NAV2: variants seen among roughly 807,000 people sequenced by gnomAD.
The protein encoded by NAV2 is helicase, APC down-regulated 1.
Under a neutral mutation model 223.2 loss-of-function variants are expected in NAV2, and 54 were observed. The ratio of observed to expected loss-of-function variants is 0.24; its 90% CI spans 0.19 to 0.30. NAV2 has a LOEUF of 0.30. Among genes scored for constraint, NAV2 ranks in the 10% least tolerant of loss-of-function variants. NAV2 has a pLI of 1.00. For synonymous variants in NAV2, 1,279 were observed against 1,239.3 expected (o/e 1.03, Z -0.67); for missense variants, 2,806 against 3,147.5 (o/e 0.89, Z 2.60).
chr11:19,466,984 T>TCTCTAC (rs200910419), intron 1 of NAV2, among the ~76,000 whole-genome samples: 7 of 125,142 alleles, frequency 5.6e-5, no homozygotes, highest in African/African-American at 2.1e-4. Context: ...TCTCTCTCTC[T>TCTCTAC]ACACACACAC....
At chr11:19,797,357 G>A (rs1438324528) in intron 1 of NAV2, among the ~76,000 whole-genome samples, 1 of 152,142 alleles carries the variant, frequency 6.6e-6, no homozygotes, top group African/African-American at 2.4e-5. Flanking sequence ...ATCCATTTCA[G>A]CTGCAGTTAT....
chr11:19,976,384 C>G (rs1456283501), intron 10 of NAV2, among the ~76,000 whole-genome samples: 1 of 152,194 alleles, frequency 6.6e-6, no homozygotes, highest in Non-Finnish European at 1.5e-5. Flanking sequence ...CTGTCTCTCT[C>G]TCTTTCAAGC....
chr11:19,647,606 G>A (rs1199395293), intron 1 of NAV2, among the ~76,000 whole-genome samples: 2 of 152,130 alleles, frequency 1.3e-5, no homozygotes, highest in Non-Finnish European at 2.9e-5. Context: ...AGCAGCACTT[G>A]CATCTGGATC....
At chr11:19,690,831 G>A (rs940393078) in intron 1 of NAV2, among the ~76,000 whole-genome samples, 2 of 152,202 alleles carry the variant, frequency 1.3e-5, no homozygotes, top group Admixed American at 6.5e-5. Context: ...GCCCCAGAGA[G>A]GGGCCAGTGG....
At chr11:19,603,961 AAG>A (rs2046415035) in intron 1 of NAV2, among the ~76,000 whole-genome samples, 1 of 152,276 alleles carries the variant, frequency 6.6e-6, no homozygotes, top group South Asian at 2.1e-4. Flanking sequence ...GGCATGTGCA[AAG>A]GCCCTGAGGC....
intron 12 of NAV2, among the ~76,000 whole-genome samples, chr11:20,040,467 A>G (rs2056808215): frequency 6.6e-6 from 1 of 152,168 alleles, no homozygotes; most frequent in African/African-American, 2.4e-5. Flanking sequence ...ATAAGTTCAG[A>G]TAAGTAGGGC....
chr11:19,949,868 G>A (rs377449183), intron 10 of NAV2, among the ~76,000 whole-genome samples: 2 of 152,186 alleles, frequency 1.3e-5, no homozygotes, highest in African/African-American at 2.4e-5. Flanking sequence ...CAATGAACAC[G>A]TGAATCAGTG....
intron 1 of NAV2, among the ~76,000 whole-genome samples, chr11:19,538,214 G>A (rs1326730345): frequency 6.6e-6 from 1 of 152,218 alleles, no homozygotes; most frequent in Non-Finnish European, 1.5e-5. Context: ...CAGCCAAGCT[G>A]TGACACATCT....
intron 11 of NAV2, among the ~76,000 whole-genome samples, chr11:19,997,664 CAG>C (rs1213103540): frequency 6.6e-6 from 1 of 152,126 alleles, no homozygotes. Context: ...GTTACATAGG[CAG>C]AGAGTGGCAG....
exon 1 of NAV2, chr11:19,350,725 C>A (rs557754307): frequency 1.4e-4 from 76 of 556,640 alleles, no homozygotes; most frequent in Non-Finnish European, 2.2e-4. Context: ...AGACTTAGCT[C>A]TCATGATGCC....
At chr11:19,555,022 A>AC (rs1468523096) in intron 1 of NAV2, among the ~76,000 whole-genome samples, 1 of 152,028 alleles carries the variant, frequency 6.6e-6, no homozygotes, top group East Asian at 1.9e-4. Context: ...CAAAAAAAAA[A>AC]AAAAAATCTT....
intron 6 of NAV2, among the ~76,000 whole-genome samples, chr11:19,902,359 T>C (rs1301395098): frequency 6.6e-6 from 1 of 152,182 alleles, no homozygotes; most frequent in Non-Finnish European, 1.5e-5. Flanking sequence ...GCCATCCTTT[T>C]TTCACAGAGA....
intron 1 of NAV2, among the ~76,000 whole-genome samples, chr11:19,442,602 G>A (rs1230289864): frequency 6.6e-6 from 1 of 152,192 alleles, no homozygotes; most frequent in African/African-American, 2.4e-5. Flanking sequence ...GAGCTGGCCA[G>A]GATCAGAGGG....
intron 1 of NAV2, among the ~76,000 whole-genome samples, chr11:19,428,988 T>C (rs955854385): frequency 5.9e-5 from 9 of 152,224 alleles, no homozygotes; most frequent in Admixed American, 3.9e-4. Flanking sequence ...AATTCAAAAC[T>C]GGGTACCTCT....
intron 5 of NAV2, among the ~76,000 whole-genome samples, chr11:19,891,105 C>A (rs1234826688): frequency 6.6e-6 from 1 of 152,148 alleles, no homozygotes; most frequent in Non-Finnish European, 1.5e-5. Flanking sequence ...TCTTGCCCAG[C>A]CAACAAGAAA....
At chr11:20,056,759 C>T in intron 19 of NAV2, 2 of 658,432 alleles carry the variant, frequency 3.0e-6, no homozygotes, top group East Asian at 5.5e-5. Context: ...GTTTAAATTC[C>T]AGCTCCACTG....
At chr11:19,583,032 G>T (rs1052393247) in intron 1 of NAV2, among the ~76,000 whole-genome samples, 29 of 152,208 alleles carry the variant, frequency 1.9e-4, no homozygotes, top group African/African-American at 5.5e-4. Context: ...TTCCATTTGT[G>T]TGTATCCTCT....
rs56895607 is a variant in NAV2, at chr11:20,074,760, C to CCTTTTTTTTTTTTTTTTTTT, written c.4984-2792_4984-2791insCTTTTTTTTTTTTTTTTTTT. On this transcript the variant is annotated intron_variant, in intron 22 of 37. Coordinates refer to ENST00000349880, the MANE Select transcript of NAV2 (RefSeq NM_145117.5). ...ATTGGAGACTAGGATTGCAACTCTG[C>CCTTTTTTTTTTTTTTTTTTT]TTTTTTTTTTTTTTTTGCTTTCCAT... is the stretch of plus-strand genomic sequence containing the variant. 2.7e-3 allele frequency among the ~76,000 whole-genome samples: 294 copies of CCTTTTTTTTTTTTTTTTTTT among 110,132 alleles called. 28 individuals carry two copies. The highest frequency in any genetic ancestry group is 4.8e-3 in the Middle Eastern group (1 of 210). 72.3% of individuals were successfully genotyped at this position (110,132 alleles called of 152,430 possible). A position where few individuals can be genotyped will look rare whatever the true frequency, so the allele number is the denominator to read the frequency against.
intron 4 of NAV2, among the ~76,000 whole-genome samples, chr11:19,878,986 G>T (rs1268187290): frequency 6.6e-6 from 1 of 152,152 alleles, no homozygotes; most frequent in East Asian, 1.9e-4. Context: ...AGAGTGTTGA[G>T]TAAGTTTGCC....
Sources: gnomAD v4.1 joint callset for allele counts (sites outside exome capture counted in the v4.1 genomes callset) on GRCh38, gnomAD v4.1.1 for gene constraint, MANE v1.5 for transcripts, NCBI Gene and HGNC (gene_info 2026-07-23, HGNC 2026-07-21) for gene names.